The following ZSCAN1 variants were observed in gnomAD, a reference collection of about 807,000 sequenced individuals.
The protein encoded by ZSCAN1 is zinc finger and SCAN domain-containing protein 1.
Under a neutral mutation model 23.8 loss-of-function variants are expected in ZSCAN1, and 23 were observed. That is an observed-to-expected ratio of 0.97 (90% CI 0.70 to 1.37). ZSCAN1 has a LOEUF of 1.37. Ranked by LOEUF, ZSCAN1 falls within the 40% of genes most tolerant of loss-of-function variation. ZSCAN1 has a pLI of 0.00. For missense variants in ZSCAN1, 575 were observed against 554.0 expected (o/e 1.04, Z -0.38); for synonymous variants, 236 against 232.3 (o/e 1.02, Z -0.15).
At position 58,053,110 on chromosome 19, in the gene ZSCAN1, C is replaced by G. The variant is rs1568606501; in HGVS notation, c.605-319C>G. On this transcript the variant is annotated intron_variant, in intron 5 of 5. Transcript: ENST00000282326. The surrounding 1 kb of genome is among the most constrained non-coding windows in gnomAD (Gnocchi z 5.8). The stretch of plus-strand genomic sequence containing the variant: ...GAGTAGCTGGGATTACAGGCGCACA[C>G]CACCACGCCCAGCTAATTTTTGTAT... Among the ~76,000 whole-genome samples the G allele has an allele frequency of 6.6e-6, 1 of 152,138 alleles. No individual in the cohort carries two copies. The highest frequency in any genetic ancestry group is 2.4e-5 in the African/African-American group (1 of 41,428).
rs2073870622 is a variant in ZSCAN1, at chr19:58,053,348, C to A, written c.605-81C>A. ...CTGGACTTGGCTCAGTCACTGGGGTCCTCCGTGCCCCTGGGGAGCACAGGG... is the reference window on the plus strand; with the variant it reads ...CTGGACTTGGCTCAGTCACTGGGGTACTCCGTGCCCCTGGGGAGCACAGGG... On this transcript the variant is annotated intron_variant, in intron 5 of 5. Coordinates refer to ENST00000282326, the MANE Select transcript of ZSCAN1 (RefSeq NM_182572.4). This position sits in a 1 kb window ranked among gnomAD's most constrained non-coding sequence, Gnocchi z 5.8. 6.6e-7 allele frequency: 1 copy of A among 1,522,736 alleles called. No individual in the cohort carries two copies. Among genetic ancestry groups the A allele is most frequent in the Non-Finnish European group, 8.8e-7 (1 of 1,130,876 alleles). 94.3% of individuals were successfully genotyped at this position (1,522,736 alleles called of 1,614,324 possible).
chr19:58,048,405 G>T (rs1355896563), intron 4 of ZSCAN1, among the ~76,000 whole-genome samples: 1 of 152,246 alleles, frequency 6.6e-6, no homozygotes, highest in Admixed American at 6.5e-5. Context: ...CACTGCTTGA[G>T]GTGGCCAAGG....
At chr19:58,044,173 G>A (rs779953321) in intron 4 of ZSCAN1, among the ~76,000 whole-genome samples, 1 of 151,994 alleles carries the variant, frequency 6.6e-6, no homozygotes, top group Non-Finnish European at 1.5e-5. Context: ...TCCGGAAGCT[G>A]AGGCAGGAGA....
At chr19:58,037,467 C>T (rs529956314) in intron 2 of ZSCAN1, among the ~76,000 whole-genome samples, 1 of 76,878 alleles carries the variant, frequency 1.3e-5, no homozygotes, top group East Asian at 3.8e-4. Flanking sequence ...AGGACATCTG[C>T]GAGGGGAGGA....
chr19:58,047,005 G>A lies in ZSCAN1; in HGVS notation c.466-5485G>A, dbSNP rs1405487567. On this transcript the variant is annotated intron_variant, in intron 4 of 5. Transcript: ENST00000282326. The surrounding 1 kb of genome is among the most constrained non-coding windows in gnomAD (Gnocchi z 4.9). Reference sequence around the variant, plus strand: ...TCCACACTGTGGTGTGGCTGCCACGGCCTCCTGGCTCCAGAGGCGGCTGGG... The same window carrying A: ...TCCACACTGTGGTGTGGCTGCCACGACCTCCTGGCTCCAGAGGCGGCTGGG... Among the ~76,000 whole-genome samples, 2 of 152,236 alleles carry A rather than the reference G, an allele frequency of 1.3e-5. No homozygotes were observed. The highest frequency in any genetic ancestry group is 2.9e-5 in the Non-Finnish European group (2 of 68,044).
intron 1 of ZSCAN1, among the ~76,000 whole-genome samples, chr19:58,034,970 A>G (rs2073724388): frequency 6.6e-6 from 1 of 151,708 alleles, no homozygotes. Flanking sequence ...GTCACTAAGC[A>G]TCCGGCATCA....
At chr19:58,044,766 T>G (rs2073813432) in intron 4 of ZSCAN1, 1 of 719,956 alleles carries the variant, frequency 1.4e-6, no homozygotes, top group East Asian at 2.8e-5. Context: ...CCACCCACCC[T>G]GCCTACCCGT....
chr19:58,045,085 G>A lies in ZSCAN1; in HGVS notation c.465+4541G>A, dbSNP rs185106125. Reference sequence around the variant, plus strand: ...GGCGAGCTGAGGCACTACTACCATGGCTTCCGCCTGCTACGGATCCACACC... The same window carrying A: ...GGCGAGCTGAGGCACTACTACCATGACTTCCGCCTGCTACGGATCCACACC... On this transcript the variant is annotated intron_variant, in intron 4 of 5. Transcript: ENST00000282326. This position sits in a 1 kb window ranked among gnomAD's most constrained non-coding sequence, Gnocchi z 4.3. 29 of 1,211,022 alleles carry A rather than the reference G, an allele frequency of 2.4e-5. No individual in the cohort carries two copies. The African/African-American group carries it at 2.7e-4, about 11-fold the overall frequency. 75.0% of individuals were successfully genotyped at this position (1,211,022 alleles called of 1,614,324 possible).
Position 58,037,983 on chromosome 19 carries a change from G to A in ZSCAN1, c.147G>A (p.Ala49=), listed in dbSNP as rs1373714748. The change falls in exon 3 of 6, where the codon GCG becomes GCA. Residue 49 remains alanine, a synonymous_variant. Coordinates refer to ENST00000282326, the MANE Select transcript of ZSCAN1 (RefSeq NM_182572.4). ...LRFRQFQYHV[A]SGPHLALGQL... is the part of the protein sequence containing the mutation. ...TCCGGCAGTTCCAGTACCACGTGGC[G>A]AGCGGGCCGCACCTCGCGCTGGGCC... is the stretch of plus-strand genomic sequence containing the variant. 3 of 1,607,924 alleles carry A rather than the reference G, an allele frequency of 1.9e-6. No homozygotes were observed. Among genetic ancestry groups the A allele is most frequent in the Non-Finnish European group, 2.5e-6 (3 of 1,179,468 alleles).
chr19:58,053,642 A>G lies in ZSCAN1; in HGVS notation c.818A>G (p.Gln273Arg). 6.2e-7 allele frequency: 1 copy of G among 1,614,096 alleles called. No homozygotes were observed. Among genetic ancestry groups the G allele is most frequent in the Non-Finnish European group, 8.5e-7 (1 of 1,180,012 alleles). ...PSLKHTKGGT[Q>R]EAVAGISVVP... ...CTCAAGCACACCAAAGGTGGTACCC[A>G]AGAGGCTGTTGCAGGCATCTCGGTA... is the stretch of plus-strand genomic sequence containing the variant. The change falls in exon 6 of 6, where the codon CAA (glutamine) becomes CGA (arginine). Residue 273 changes from glutamine (Q) to arginine (R), a missense_variant. Transcript: ENST00000282326. This position sits in a 1 kb window ranked among gnomAD's most constrained non-coding sequence, Gnocchi z 5.8.
intron 4 of ZSCAN1, among the ~76,000 whole-genome samples, chr19:58,050,989 C>T (rs76958646): frequency 0.028 from 4,247 of 152,186 alleles, 87 homozygotes; most frequent in Middle Eastern, 0.044. Context: ...AGTGGCTCAC[C>T]GGGGCTATGG....
intron 4 of ZSCAN1, among the ~76,000 whole-genome samples, chr19:58,044,081 G>A (rs1166591903): frequency 6.6e-6 from 1 of 151,900 alleles, no homozygotes; most frequent in Non-Finnish European, 1.5e-5. Flanking sequence ...GACCAGCGTG[G>A]CCAACATGGT....
chr19:58,046,334 C>T (rs917569152), intron 4 of ZSCAN1: 1 of 908,408 alleles, frequency 1.1e-6, no homozygotes, highest in African/African-American at 1.6e-5. Context: ...AAGGAACTTT[C>T]AAAGACTGGT....
At position 58,045,500 on chromosome 19, in the gene ZSCAN1, G is replaced by T; in HGVS notation, c.465+4956G>T. On this transcript the variant is annotated intron_variant, in intron 4 of 5. Coordinates refer to ENST00000282326, the MANE Select transcript of ZSCAN1 (RefSeq NM_182572.4). The surrounding 1 kb of genome is among the most constrained non-coding windows in gnomAD (Gnocchi z 4.3). The stretch of plus-strand genomic sequence containing the variant: ...AGAGGCCCAGCAATGAGGAAATCAT[G>T]GGTTTTTCCAAATTATTTGAGGATG... 2 of 1,386,946 alleles carry T rather than the reference G, an allele frequency of 1.4e-6. No individual in the cohort carries two copies. The highest frequency in any genetic ancestry group is 2.1e-6 in the Non-Finnish European group (2 of 973,048). The allele number at this position is 1,386,946 out of a possible 1,614,324, so 85.9% of individuals were successfully genotyped here.
intron 4 of ZSCAN1, among the ~76,000 whole-genome samples, chr19:58,041,202 G>A (rs760512904): frequency 2.0e-5 from 3 of 152,220 alleles, no homozygotes; most frequent in Non-Finnish European, 2.9e-5. Flanking sequence ...TATTGGAGCC[G>A]CCAAGGGAAA....
At chr19:58,050,320 C>T (rs1287420096) in intron 4 of ZSCAN1, among the ~76,000 whole-genome samples, 1 of 151,696 alleles carries the variant, frequency 6.6e-6, no homozygotes, top group Non-Finnish European at 1.5e-5. Flanking sequence ...CCTATAGTCC[C>T]AGCTACTCGG....
Position 58,053,187 on chromosome 19 carries a change from C to T in ZSCAN1, c.605-242C>T, listed in dbSNP as rs572081141. Among the ~76,000 whole-genome samples the T allele has an allele frequency of 7.2e-5, 11 of 152,198 alleles. No individual in the cohort carries two copies. The highest frequency in any genetic ancestry group is 2.6e-4 in the African/African-American group (11 of 41,528). On this transcript the variant is annotated intron_variant, in intron 5 of 5. Transcript: ENST00000282326. This position sits in a 1 kb window ranked among gnomAD's most constrained non-coding sequence, Gnocchi z 5.8. Reference sequence around the variant, plus strand: ...TTGGTCAGGCTGGTGTCTAACTCCTCACCTCATGATCCACCTTCCTCGGCC... The same window carrying T: ...TTGGTCAGGCTGGTGTCTAACTCCTTACCTCATGATCCACCTTCCTCGGCC...
intron 4 of ZSCAN1, among the ~76,000 whole-genome samples, chr19:58,051,437 T>C (rs1205479241): frequency 6.6e-6 from 1 of 152,158 alleles, no homozygotes; most frequent in African/African-American, 2.4e-5. Context: ...AAGAATCTTG[T>C]GCCTTAACTC....
At chr19:58,048,694 G>C (rs2073841150) in intron 4 of ZSCAN1, among the ~76,000 whole-genome samples, 1 of 152,210 alleles carries the variant, frequency 6.6e-6, no homozygotes, top group African/African-American at 2.4e-5. Context: ...CTGACCTCAA[G>C]TGATCTACCT....
Sources: allele counts gnomAD v4.1 joint callset (sites outside exome capture counted in the v4.1 genomes callset), GRCh38; gene constraint gnomAD v4.1.1; non-coding constraint Gnocchi (gnomAD v3.1); transcripts MANE v1.5; gene names NCBI Gene and HGNC (gene_info 2026-07-23, HGNC 2026-07-21).